PRR11: variants seen among roughly 807,000 people sequenced by gnomAD.
The protein encoded by PRR11 is proline-rich protein 11.
Under a neutral mutation model 45.6 loss-of-function variants are expected in PRR11, and 30 were observed. That is an observed-to-expected ratio of 0.66 (90% CI 0.49 to 0.89). The LOEUF (loss-of-function observed/expected upper bound fraction) is 0.89. Among genes scored for constraint, PRR11 ranks in the 40% least tolerant of loss-of-function variants. The pLI is 0.00. For synonymous variants in PRR11, 128 were observed against 153.5 expected (o/e 0.83, Z 1.23); for missense variants, 373 against 424.8 (o/e 0.88, Z 1.07).
At chr17:59,181,567 TGCTTCA>T in intron 2 of PRR11, 9 of 1,280,772 alleles carry the variant, frequency 7.0e-6, no homozygotes, top group Non-Finnish European at 8.8e-6. Context: ...CACTAGCCGT[TGCTTCA>T]GCTTCAGCTT....
At position 59,197,965 on chromosome 17, in the gene PRR11, A is replaced by C. The variant is rs990396136; in HGVS notation, c.1014+176A>C. ...TCTGTCTCTACAAAAAATACAAAAA[A>C]TTAGCCAGGCGTGGTGGTGCATGCC... On this transcript the variant is annotated intron_variant, in intron 9 of 9. Coordinates refer to ENST00000262293, the MANE Select transcript of PRR11 (RefSeq NM_018304.4). 1.5e-5 allele frequency: 9 copies of C among 595,442 alleles called. 1 individual carries two copies. Among genetic ancestry groups the C allele is most frequent in the South Asian group, 1.4e-4 (7 of 48,520 alleles). The allele number at this position is 595,442 out of a possible 1,614,324, so 36.9% of individuals were successfully genotyped here.
At chr17:59,173,780 A>G (rs1466250870) in intron 2 of PRR11, among the ~76,000 whole-genome samples, 1 of 152,210 alleles carries the variant, frequency 6.6e-6, no homozygotes, top group East Asian at 1.9e-4. Flanking sequence ...TGATCACTCT[A>G]TTCAGCTCCG....
intron 7 of PRR11, among the ~76,000 whole-genome samples, chr17:59,196,619 C>T (rs1282299285): frequency 6.6e-6 from 1 of 151,938 alleles, no homozygotes; most frequent in Admixed American, 6.6e-5. Context: ...TCAAATGACC[C>T]ACCCCCCTCG....
At chr17:59,195,805 G>A (rs1330648172) in intron 7 of PRR11, among the ~76,000 whole-genome samples, 2 of 152,050 alleles carry the variant, frequency 1.3e-5, no homozygotes, top group Non-Finnish European at 2.9e-5. Context: ...TAGGCTGGGA[G>A]TGGTGGGTTA....
intron 2 of PRR11, chr17:59,181,723 G>A (rs2147846878): frequency 6.4e-7 from 1 of 1,555,778 alleles, no homozygotes. Flanking sequence ...GGACCTACAT[G>A]GGAGGCTGGG....
At chr17:59,174,760 C>G (rs558816725) in intron 2 of PRR11, among the ~76,000 whole-genome samples, 2 of 152,188 alleles carry the variant, frequency 1.3e-5, no homozygotes, top group African/African-American at 2.4e-5. Context: ...GACCTCAGGC[C>G]TCACAGTCCC....
At position 59,201,731 on chromosome 17, in the gene PRR11, G is replaced by T. The variant is rs2046893511; in HGVS notation, c.*100G>T. On this transcript the variant is annotated 3_prime_UTR_variant, in exon 10 of 10. Coordinates refer to ENST00000262293, the MANE Select transcript of PRR11 (RefSeq NM_018304.4). ...CACACCTGTAATCCCAGCACTTTGGGAGGCTGAGGCAGGTGGATCACCTGA... is the reference window on the plus strand; with the variant it reads ...CACACCTGTAATCCCAGCACTTTGGTAGGCTGAGGCAGGTGGATCACCTGA... 7.8e-7 allele frequency: 1 copy of T among 1,274,006 alleles called. No individual in the cohort carries two copies. Among genetic ancestry groups the T allele is most frequent in the African/African-American group, 1.5e-5 (1 of 67,784 alleles). 78.9% of individuals were successfully genotyped at this position (1,274,006 alleles called of 1,614,324 possible).
intron 9 of PRR11, among the ~76,000 whole-genome samples, chr17:59,201,336 C>T (rs560630030): frequency 5.3e-5 from 8 of 152,284 alleles, no homozygotes; most frequent in African/African-American, 1.4e-4. Flanking sequence ...TGTCCACATT[C>T]TAGGCAAGAG....
At chr17:59,199,698 A>G (rs2046883407) in intron 9 of PRR11, among the ~76,000 whole-genome samples, 2 of 152,228 alleles carry the variant, frequency 1.3e-5, no homozygotes, top group South Asian at 4.1e-4. Context: ...ATGCAGGGAC[A>G]TAGCAGACTC....
rs1468108578 is a variant in PRR11 at position 59,167,580 on chromosome 17, G to A, written c.-5-2168G>A. On this transcript the variant is annotated intron_variant, in intron 1 of 9. Coordinates refer to ENST00000262293, the MANE Select transcript of PRR11 (RefSeq NM_018304.4). ...TTCCATAGGCAGAGCAGTGGCATGG[G>A]CTGCTCAACTGAGTATACTTATATC... Among the ~76,000 whole-genome samples, 7 of 152,184 alleles carry A rather than the reference G, an allele frequency of 4.6e-5. No homozygotes were observed. In the South Asian group the frequency reaches 1.0e-3, roughly 23 times the overall value.
chr17:59,201,630 G>C lies in PRR11; in HGVS notation c.1082G>C (p.Ter361SerextTer8). The C allele has an allele frequency of 6.2e-7, 1 of 1,613,260 alleles. No homozygotes were observed. Among genetic ancestry groups the C allele is most frequent in the South Asian group, 1.1e-5 (1 of 91,050 alleles). Reference protein sequence around the residue: ...LSTSSFDEQN* With the variant: ...LSTSSFDEQNS The stretch of plus-strand genomic sequence containing the variant: ...ACAAGCAGCTTTGATGAACAAAACT[G>C]ATGCCAACTCTGCCTCACTCCATGA... The change falls in exon 10 of 10, where the codon TGA becomes TCA. Residue 361 changes from the stop codon to serine (S), a stop_lost. Transcript: ENST00000262293.
chr17:59,184,934 C>T (rs1879014667), intron 2 of PRR11, 120 bp from the exon 3 acceptor site: 1 of 605,552 alleles, frequency 1.7e-6, no homozygotes, highest in Non-Finnish European at 2.5e-6. Flanking sequence ...TGGTCTCAAG[C>T]AATCTCCTCA....
Position 59,169,807 on chromosome 17 carries a change from T to C in PRR11, c.55T>C (p.Phe19Leu). The change falls in exon 2 of 10, where the codon TTC (phenylalanine) becomes CTC (leucine). Residue 19 changes from phenylalanine (F) to leucine (L), a missense_variant. Physicochemically the swap from Phe to Leu is conservative, Grantham distance 22. Coordinates refer to ENST00000262293, the MANE Select transcript of PRR11 (RefSeq NM_018304.4). ...GCTAAAAGCCAAAGCCGAAAGATTA[T>C]TCAAAAAAAAAGAAGCCTCTCACTT... is the stretch of plus-strand genomic sequence containing the variant. ...RKLKAKAERLFKKKEASHFQS... is the reference protein window; with the variant it reads ...RKLKAKAERLLKKKEASHFQS... 6.2e-7 allele frequency: 1 copy of C among 1,611,772 alleles called. No homozygotes were observed. The highest frequency in any genetic ancestry group is 8.5e-7 in the Non-Finnish European group (1 of 1,179,360).
At chr17:59,185,395 A>G (rs1161249936) in intron 3 of PRR11, 45 bp from the exon 4 acceptor site, 5 of 1,571,430 alleles carry the variant, frequency 3.2e-6, no homozygotes, top group East Asian at 2.2e-5. Context: ...TCTTGTCCTT[A>G]TCATATTACT....
intron 2 of PRR11, among the ~76,000 whole-genome samples, 189 bp downstream of exon 2, chr17:59,170,069 G>A (rs1390496667): frequency 3.9e-5 from 6 of 152,068 alleles, no homozygotes; most frequent in Non-Finnish European, 7.4e-5. Flanking sequence ...CCTGGCCAAT[G>A]TGGCAAAACC....
At chr17:59,167,145 C>T (rs373110726) in intron 1 of PRR11, among the ~76,000 whole-genome samples, 10 of 152,140 alleles carry the variant, frequency 6.6e-5, no homozygotes, top group Non-Finnish European at 8.8e-5. Context: ...GCTTGGATGA[C>T]GGAGCAAGAC....
chr17:59,161,224 T>C (rs899008525), intron 1 of PRR11, among the ~76,000 whole-genome samples: 1 of 151,832 alleles, frequency 6.6e-6, no homozygotes, highest in African/African-American at 2.4e-5. Context: ...CAGGCCAACA[T>C]GGCGAAACCC....
chr17:59,156,390 C>G (rs916520435), intron 1 of PRR11, among the ~76,000 whole-genome samples: 9 of 147,164 alleles, frequency 6.1e-5, no homozygotes, highest in African/African-American at 1.8e-4. Context: ...CAAGACAGAA[C>G]AAAAACAGCA....
intron 2 of PRR11, chr17:59,179,850 C>T (rs374282562): frequency 7.4e-7 from 1 of 1,345,796 alleles, no homozygotes; most frequent in Non-Finnish European, 1.0e-6. Context: ...CAAAGGGACC[C>T]ACACAGGGGG....
Sources: gnomAD v4.1 joint callset for allele counts (sites outside exome capture counted in the v4.1 genomes callset) on GRCh38, gnomAD v4.1.1 for gene constraint, MANE v1.5 for transcripts, NCBI Gene and HGNC (gene_info 2026-07-23, HGNC 2026-07-21) for gene names.